DENND4A: variants seen among roughly 807,000 people sequenced by gnomAD.
The protein encoded by DENND4A is DENN domain containing 4A, also known as C-myc promoter-binding protein.
DENND4A carries 70 observed loss-of-function variants against 199.3 expected under a neutral mutation model. The observed-to-expected ratio is 0.35, with a 90% confidence interval of 0.29 to 0.43. DENND4A has a LOEUF of 0.43. Ranked by LOEUF, DENND4A falls within the 20% of genes least tolerant of loss-of-function variation. DENND4A has a pLI of 1.00. For synonymous variants in DENND4A, 686 were observed against 766.9 expected, an observed-to-expected ratio of 0.89 and a Z score of 1.74; for missense variants, 1,723 against 2,255.8, an observed-to-expected ratio of 0.76 and a Z score of 4.78.
chr15:65,695,886 T>C (rs1187395862), intron 22 of DENND4A, among the ~76,000 whole-genome samples: 1 of 152,042 alleles, frequency 6.6e-6, no homozygotes, highest in Non-Finnish European at 1.5e-5. Flanking sequence ...TCTCCTTTGA[T>C]ACAAGCATTT....
chr15:65,684,146 C>T (rs1445043280), intron 23 of DENND4A, among the ~76,000 whole-genome samples: 1 of 152,148 alleles, frequency 6.6e-6, no homozygotes, highest in Admixed American at 6.5e-5. Flanking sequence ...GGGTTGTTTC[C>T]ACTTTTTGGC....
At chr15:65,666,935 CA>C (rs776121448) in intron 29 of DENND4A, among the ~76,000 whole-genome samples, 40 of 139,822 alleles carry the variant, frequency 2.9e-4, no homozygotes, top group Non-Finnish European at 3.9e-4. Flanking sequence ...TAGGAGAAGG[CA>C]AAAAAAAAAG....
At chr15:65,735,732 C>A (rs946649794) in intron 7 of DENND4A, among the ~76,000 whole-genome samples, 7 of 152,192 alleles carry the variant, frequency 4.6e-5, no homozygotes, top group Non-Finnish European at 8.8e-5. Context: ...TGGAAATACA[C>A]TTGTGCAACT....
intron 3 of DENND4A, chr15:65,753,841 T>C (rs2056080635): frequency 6.6e-6 from 1 of 151,112 alleles, no homozygotes; most frequent in Admixed American, 6.6e-5. Flanking sequence ...TTCTTTTTTT[T>C]TTTTTTTTTT....
chr15:65,696,561 G>T, intron 21 of DENND4A, 64 bp from the exon 22 acceptor site: 1 of 1,301,900 alleles, frequency 7.7e-7, no homozygotes, highest in Non-Finnish European at 1.0e-6. Context: ...GAGGTATCAA[G>T]AGAAGTTTTC....
In DENND4A at chr15:65,789,681, G is replaced by A. The variant is rs924666003; in HGVS notation, c.-102+2329C>T. The stretch of plus-strand genomic sequence containing the variant: ...ACTTTTGTTTTCCACCTAGAACAAC[G>A]CACCATCAATTTAAGTAGGAATAGC... On this transcript the variant is annotated intron_variant, in intron 1 of 32. Transcript: ENST00000443035. Among the ~76,000 whole-genome samples, 7 of 152,184 alleles carry A rather than the reference G, an allele frequency of 4.6e-5. No homozygotes were observed. In the East Asian group the frequency reaches 5.8e-4, roughly 13 times the overall value.
intron 20 of DENND4A, among the ~76,000 whole-genome samples, chr15:65,700,119 C>CAGT (rs990224926): frequency 3.7e-4 from 56 of 152,070 alleles, no homozygotes; most frequent in Non-Finnish European, 6.9e-4. Context: ...TAATACCTTA[C>CAGT]ATAACCATAG....
chr15:65,691,565 T>C (rs1201261503), intron 22 of DENND4A, 54 bp from the exon 23 acceptor site: 1 of 1,448,088 alleles, frequency 6.9e-7, no homozygotes, highest in Non-Finnish European at 9.1e-7. Flanking sequence ...CAAATATAAG[T>C]CATCTTAAAT....
chr15:65,738,799 T>C lies in DENND4A; in HGVS notation c.708A>G (p.Pro236=), dbSNP rs1264506928. 8 of 1,612,096 alleles carry C rather than the reference T, an allele frequency of 5.0e-6. No homozygotes were observed. Among genetic ancestry groups the C allele is most frequent in the African/African-American group, 1.3e-5 (1 of 74,884 alleles). ...GCCAACATTCAATGGTTGCACCCAT[T>C]GGTAAACAAAATAGAGGAACAGATT... The part of the protein sequence containing the change: ...LPESVPLFCL[P]MGATIECWPS... Residue 236 remains proline, a synonymous_variant, in exon 6 of 33, where the codon CCA becomes CCG. Coordinates refer to ENST00000443035, the MANE Select transcript of DENND4A (RefSeq NM_001320835.1).
At chr15:65,749,455 T>G (rs2076502666) in intron 4 of DENND4A, among the ~76,000 whole-genome samples, 1 of 152,214 alleles carries the variant, frequency 6.6e-6, no homozygotes, top group African/African-American at 2.4e-5. Context: ...TAAATGTAAC[T>G]TGTTTTATAG....
At chr15:65,736,595 A>C (rs1460251107) in intron 7 of DENND4A, among the ~76,000 whole-genome samples, 2 of 152,052 alleles carry the variant, frequency 1.3e-5, no homozygotes, top group Admixed American at 6.6e-5. Context: ...TAACTGACAA[A>C]GTTCACTACT....
intron 27 of DENND4A, 81 bp from the exon 28 acceptor site, chr15:65,668,204 CTCTCTCT>C: frequency 9.8e-7 from 1 of 1,021,382 alleles, no homozygotes; most frequent in Non-Finnish European, 1.4e-6. Flanking sequence ...TTCTCTCTCT[CTCTCTCT>C]TTTTTTTTTT....
chr15:65,717,728 CA>C, intron 13 of DENND4A, 49 bp downstream of exon 13: 1 of 1,445,674 alleles, frequency 6.9e-7, no homozygotes, highest in Non-Finnish European at 9.3e-7. Flanking sequence ...TGAATCATCA[CA>C]AAGTTAAGCT....
At chr15:65,677,365 G>A (rs561409583) in intron 23 of DENND4A, among the ~76,000 whole-genome samples, 5 of 151,978 alleles carry the variant, frequency 3.3e-5, no homozygotes, top group Admixed American at 1.3e-4. Context: ...GTGCACCACC[G>A]TGCCTGGCTA....
intron 23 of DENND4A, among the ~76,000 whole-genome samples, chr15:65,676,896 T>C (rs995888596): frequency 6.6e-6 from 1 of 152,236 alleles, no homozygotes; most frequent in Non-Finnish European, 1.5e-5. Flanking sequence ...CGTTGACTTT[T>C]AATTTCCATT....
intron 29 of DENND4A, 149 bp downstream of exon 29, chr15:65,667,300 A>G: frequency 1.0e-6 from 1 of 957,910 alleles, no homozygotes; most frequent in East Asian, 2.7e-5. Context: ...ACTGCACTCC[A>G]GCCTGGCGAA....
At position 65,705,225 on chromosome 15, in the gene DENND4A, G is replaced by C. The variant is rs138978040; in HGVS notation, c.2087+866C>G. 4.1e-4 allele frequency among the ~76,000 whole-genome samples: 63 copies of C among 152,158 alleles called. No individual in the cohort carries two copies. The East Asian group carries it at 0.012, about 28-fold the overall frequency. On this transcript the variant is annotated intron_variant, in intron 15 of 32. Transcript: ENST00000443035. ...ACCACTTTTTCATCTGTAAAAGGAAGAATTTAATCCAAGTCATAAACAAAG... is the reference window on the plus strand; with the variant it reads ...ACCACTTTTTCATCTGTAAAAGGAACAATTTAATCCAAGTCATAAACAAAG...
At chr15:65,696,640 AC>A (rs1256151327) in intron 21 of DENND4A, 143 bp from the exon 22 acceptor site, 1 of 544,976 alleles carries the variant, frequency 1.8e-6, no homozygotes, top group Non-Finnish European at 3.2e-6. Flanking sequence ...CTGTTTGTCA[AC>A]CACAAATAAG....
Position 65,696,420 on chromosome 15 carries a change from G to A in DENND4A, c.3028C>T (p.Arg1010Cys), listed in dbSNP as rs777360009. 1.4e-5 allele frequency: 22 copies of A among 1,612,576 alleles called. No homozygotes were observed. Among genetic ancestry groups the A allele is most frequent in the South Asian group, 6.6e-5 (6 of 91,014 alleles). ...LSYQNSSSIV[R>C]LTGTSNNSAG... is the part of the protein sequence containing the mutation. Reference sequence around the variant, plus strand: ...CTGTTGTTACTTGTACCAGTGAGGCGAACGATACTGGAAGAATTTTGATAA... The same window carrying A: ...CTGTTGTTACTTGTACCAGTGAGGCAAACGATACTGGAAGAATTTTGATAA... Residue 1010 changes from arginine (R) to cysteine (C), a missense_variant, in exon 22 of 33, where the codon CGC becomes TGC. Physicochemically the swap from Arg to Cys is radical, Grantham distance 180. Around this residue, in one of 6 missense-constraint regions of DENND4A, gnomAD observed 650 missense variants for 738.1 expected, o/e 0.88. Coordinates refer to ENST00000443035, the MANE Select transcript of DENND4A (RefSeq NM_001320835.1).
Sources: gnomAD v4.1 joint callset for allele counts (sites outside exome capture counted in the v4.1 genomes callset) on GRCh38, gnomAD v4.1.1 for gene constraint, gnomAD v4.1.1 regional missense constraint, MANE v1.5 for transcripts, NCBI Gene and HGNC (gene_info 2026-07-23, HGNC 2026-07-21) for gene names.